SUCLG2: variants seen among roughly 807,000 people sequenced by gnomAD.
SUCLG2 encodes succinate--CoA ligase [GDP-forming] subunit beta, mitochondrial.
In SUCLG2, 42 loss-of-function variants were observed where a neutral mutation model predicts 47.9. That is an observed-to-expected ratio of 0.88 (90% CI 0.69 to 1.14). The LOEUF is 1.14. SUCLG2 is among the 50% of genes most tolerant of loss of function. The pLI, the probability that SUCLG2 is intolerant of heterozygous loss-of-function variation, is 0.00. For synonymous variants in SUCLG2, 195 were observed against 197.3 expected (o/e 0.99, Z 0.10); for missense variants, 571 against 525.9 (o/e 1.09, Z -0.84).
chr3:67,636,680 T>C (rs1701016311), intron 1 of SUCLG2, among the ~76,000 whole-genome samples: 1 of 152,138 alleles, frequency 6.6e-6, no homozygotes, highest in Non-Finnish European at 1.5e-5. Context: ...CTATTTTTAG[T>C]AGAGACGGGG....
intron 2 of SUCLG2, among the ~76,000 whole-genome samples, chr3:67,556,309 G>A (rs983786546): frequency 6.6e-6 from 1 of 152,156 alleles, no homozygotes. Context: ...TCCTGACTTG[G>A]AGGGCTGAAT....
chr3:67,560,922 T>A (rs1200257537), intron 2 of SUCLG2, among the ~76,000 whole-genome samples: 1 of 150,904 alleles, frequency 6.6e-6, no homozygotes. Context: ...CCCAACTCCA[T>A]TTTTTTCCTT....
At chr3:67,614,293 G>C (rs990284496) in intron 1 of SUCLG2, among the ~76,000 whole-genome samples, 5 of 151,946 alleles carry the variant, frequency 3.3e-5, no homozygotes, top group African/African-American at 1.2e-4. Flanking sequence ...TGAACAGTAG[G>C]GGGAAGACAC....
chr3:67,637,224 G>A (rs1445291501), intron 1 of SUCLG2, among the ~76,000 whole-genome samples: 1 of 152,126 alleles, frequency 6.6e-6, no homozygotes, highest in African/African-American at 2.4e-5. Flanking sequence ...ATTAAAAAGG[G>A]ATATCAGACA....
chr3:67,376,141 G>A (rs1702030898), intron 10 of SUCLG2: 4 of 981,704 alleles, frequency 4.1e-6, no homozygotes. Context: ...CAGCCATGTG[G>A]ATTTAATGCG....
In SUCLG2 at chr3:67,501,384, T is replaced by C. The variant is rs566070319; in HGVS notation, c.758-3089A>G. Among the ~76,000 whole-genome samples the C allele has an allele frequency of 2.0e-4, 30 of 152,326 alleles. 2 individuals are homozygous for C. The South Asian group carries it at 6.0e-3, about 31-fold the overall frequency. On this transcript the variant is annotated intron_variant, in intron 7 of 10. Coordinates refer to ENST00000307227, the MANE Select transcript of SUCLG2 (RefSeq NM_003848.4). Reference sequence around the variant, plus strand: ...TTTATATTTTAAAAGTAGTCTGTGATACTGTGATTTATAATAAATATATTA... The same window carrying C: ...TTTATATTTTAAAAGTAGTCTGTGACACTGTGATTTATAATAAATATATTA...
At chr3:67,422,486 A>AAAAAAAAAAAAAAAAAAAAAAT in intron 9 of SUCLG2, among the ~76,000 whole-genome samples, 1 of 144,526 alleles carries the variant, frequency 6.9e-6, no homozygotes, top group African/African-American at 2.5e-5. Flanking sequence ...AAAAAAAAAA[A>AAAAAAAAAAAAAAAAAAAAAAT]AAAAAAAAAA....
intron 4 of SUCLG2, among the ~76,000 whole-genome samples, chr3:67,522,954 G>A (rs759474824): frequency 3.3e-5 from 5 of 151,570 alleles, no homozygotes; most frequent in Admixed American, 6.6e-5. Context: ...ATGAGCCACC[G>A]TGCCTGGCCT....
At chr3:67,636,253 G>C (rs1387961066) in intron 1 of SUCLG2, among the ~76,000 whole-genome samples, 3 of 151,988 alleles carry the variant, frequency 2.0e-5, no homozygotes, top group African/African-American at 7.3e-5. Context: ...GACAGCCTGA[G>C]AGCTATGAAA....
At chr3:67,381,322 C>CT (rs1294815756) in intron 10 of SUCLG2, among the ~76,000 whole-genome samples, 1 of 152,050 alleles carries the variant, frequency 6.6e-6, no homozygotes, top group African/African-American at 2.4e-5. Context: ...TTCTGCATTC[C>CT]TTTTTTGCAA....
At chr3:67,477,209 T>C (rs920560978) in intron 9 of SUCLG2, among the ~76,000 whole-genome samples, 8 of 152,072 alleles carry the variant, frequency 5.3e-5, no homozygotes, top group South Asian at 4.2e-4. Context: ...TCCCAAGAAG[T>C]TGATTTAATT....
chr3:67,501,011 G>A (rs77047593), intron 7 of SUCLG2, among the ~76,000 whole-genome samples: 10 of 152,274 alleles, frequency 6.6e-5, no homozygotes, highest in East Asian at 5.8e-4. Context: ...GTGGTATGAC[G>A]TTCTCTCCAG....
chr3:67,577,943 G>T (rs1407098559), intron 2 of SUCLG2, among the ~76,000 whole-genome samples: 1 of 152,192 alleles, frequency 6.6e-6, no homozygotes, highest in East Asian at 1.9e-4. Context: ...AGGAAGAAGA[G>T]AAGGTGTCAA....
intron 1 of SUCLG2, among the ~76,000 whole-genome samples, chr3:67,622,943 G>A (rs1336435456): frequency 6.6e-6 from 1 of 152,142 alleles, no homozygotes; most frequent in Non-Finnish European, 1.5e-5. Flanking sequence ...AAGAAGGCGA[G>A]GATATTTGTG....
At chr3:67,495,726 G>A in intron 9 of SUCLG2, 72 bp downstream of exon 9, 1 of 1,572,412 alleles carries the variant, frequency 6.4e-7, no homozygotes, top group Non-Finnish European at 8.7e-7. Context: ...CTCTCACCAG[G>A]AAGAACAAGT....
At chr3:67,530,279 G>C (rs1470533205) in intron 2 of SUCLG2, among the ~76,000 whole-genome samples, 1 of 152,114 alleles carries the variant, frequency 6.6e-6, no homozygotes, top group Non-Finnish European at 1.5e-5. Flanking sequence ...TGATGACAAG[G>C]GTTGTTTTAA....
rs971654701 is a variant in SUCLG2, at chr3:67,364,752, A to C, written c.1184-3984T>G. ...TCAGAAAGTAACATCCACAATGTCC[A>C]AGTTTCAATCGAGTAACATGCTTTA... is the stretch of plus-strand genomic sequence containing the variant. On this transcript the variant is annotated intron_variant, in intron 10 of 10. Transcript: ENST00000493112. Among the ~76,000 whole-genome samples, 9 of 152,332 alleles carry C rather than the reference A, an allele frequency of 5.9e-5. 1 individual carries two copies. Among genetic ancestry groups the C allele is most frequent in the Admixed American group, 2.6e-4 (4 of 15,304 alleles).
chr3:67,450,771 T>C (rs1167018375), intron 9 of SUCLG2, among the ~76,000 whole-genome samples: 4 of 152,222 alleles, frequency 2.6e-5, no homozygotes, highest in Non-Finnish European at 1.5e-5. Flanking sequence ...ACAACATCAT[T>C]TCCCAGGCCT....
chr3:67,462,648 C>G (rs78772359), intron 9 of SUCLG2, among the ~76,000 whole-genome samples: 4,909 of 152,292 alleles, frequency 0.032, 130 homozygotes, highest in East Asian at 0.12. Context: ...TTATAATAAA[C>G]CAGTAAGCAT....
Sources: allele counts gnomAD v4.1 joint callset (sites outside exome capture counted in the v4.1 genomes callset), GRCh38; gene constraint gnomAD v4.1.1; transcripts MANE v1.5; gene names NCBI Gene and HGNC (gene_info 2026-07-23, HGNC 2026-07-21).